Variants in C7 observed in about 807,000 individuals in gnomAD.
C7 encodes complement component C7.
In C7, 83 loss-of-function variants were observed where a neutral mutation model predicts 104.8. The observed-to-expected ratio is 0.79, with a 90% confidence interval of 0.66 to 0.95. The LOEUF is 0.95. Among genes scored for constraint, C7 ranks in the 40% least tolerant of loss-of-function variants. The pLI is 0.00. For missense variants in C7, 1,070 were observed against 1,011.2 expected (o/e 1.06, Z -0.79); for synonymous variants, 415 against 360.6 (o/e 1.15, Z -1.71).
chr5:40,960,890 T>C (rs1740406150), intron 12 of C7, among the ~76,000 whole-genome samples: 1 of 152,166 alleles, frequency 6.6e-6, no homozygotes, highest in Non-Finnish European at 1.5e-5. Context: ...ATCATTATCA[T>C]TATCTTTATT....
intron 14 of C7, among the ~76,000 whole-genome samples, chr5:40,965,920 G>A (rs1020154802): frequency 4.6e-5 from 7 of 151,842 alleles, no homozygotes; most frequent in Non-Finnish European, 8.8e-5. Flanking sequence ...TAGGATTATA[G>A]GTGCGAGCTA....
At chr5:40,956,141 C>T (rs1401926252) in intron 10 of C7, among the ~76,000 whole-genome samples, 1 of 152,168 alleles carries the variant, frequency 6.6e-6, no homozygotes. Context: ...TTTCATCTGT[C>T]ACACTCATAT....
chr5:40,917,736 C>T (rs1056333166), intron 1 of C7, among the ~76,000 whole-genome samples: 1 of 152,268 alleles, frequency 6.6e-6, no homozygotes, highest in South Asian at 2.1e-4. Context: ...AAAAGATAAG[C>T]AGAGTCACTT....
In C7 at chr5:40,952,214, C is replaced by T. The variant is rs1740185445; in HGVS notation, c.1093+2200C>T. On this transcript the variant is annotated intron_variant, in intron 9 of 17. Coordinates refer to ENST00000313164, the MANE Select transcript of C7 (RefSeq NM_000587.4). The stretch of plus-strand genomic sequence containing the variant: ...ACAAAAATAAACCAGTGTAGTCCTC[C>T]TACCTATGTGTTAAGTATTATTCAT... Among the ~76,000 whole-genome samples the T allele has an allele frequency of 2.0e-5, 3 of 152,202 alleles. No individual in the cohort carries two copies. The South Asian group carries it at 6.2e-4, about 31-fold the overall frequency.
At position 40,937,657 on chromosome 5, in the gene C7, G is replaced by C; in HGVS notation, c.534G>C (p.Arg178Ser). ...GTGGGGATGGAAAAGATTTCTACAG[G>C]CTGAGTGGAAATGTCCTGTCCTATA... ...VFSGDGKDFY[R>S]LSGNVLSYTF... is the part of the protein sequence containing the mutation. The change falls in exon 6 of 18, where the codon AGG (arginine) becomes AGC (serine). Residue 178 changes from arginine to serine, a missense_variant. Arg to Ser is a moderately radical substitution (Grantham distance 110, BLOSUM62 -1). Coordinates refer to ENST00000313164, the MANE Select transcript of C7 (RefSeq NM_000587.4). The C allele has an allele frequency of 6.2e-7, 1 of 1,602,818 alleles. No individual in the cohort carries two copies. Among genetic ancestry groups the C allele is most frequent in the Non-Finnish European group, 8.5e-7 (1 of 1,173,782 alleles).
intron 14 of C7, among the ~76,000 whole-genome samples, 157 bp downstream of exon 14, chr5:40,965,030 G>A (rs1336095936): frequency 1.3e-5 from 2 of 152,188 alleles, no homozygotes; most frequent in Non-Finnish European, 2.9e-5. Context: ...ACTTGAATAA[G>A]CCCTCCGCCT....
At chr5:40,966,514 G>T (rs1057385988) in intron 14 of C7, among the ~76,000 whole-genome samples, 3 of 151,916 alleles carry the variant, frequency 2.0e-5, no homozygotes, top group African/African-American at 7.3e-5. Flanking sequence ...GAGTAGCTGG[G>T]ACTACAGGTG....
rs1157698991 is a variant in C7 at position 40,984,123 on chromosome 5, C to T, written c.*2550C>T. 1.3e-5 allele frequency among the ~76,000 whole-genome samples: 2 copies of T among 152,212 alleles called. No homozygotes were observed. The highest frequency in any genetic ancestry group is 4.8e-5 in the African/African-American group (2 of 41,456). On this transcript the variant is annotated 3_prime_UTR_variant, in exon 18 of 18. Transcript: ENST00000313164. ...TCCTAATCGTTTTGAGAAGTGCCTT[C>T]CTGTGACATCTTATGTATTTCCTAA...
intron 4 of C7, among the ~76,000 whole-genome samples, chr5:40,935,992 GA>G (rs1409383615): frequency 1.3e-5 from 2 of 152,096 alleles, no homozygotes; most frequent in Middle Eastern, 6.3e-3. Flanking sequence ...TAGAATGACA[GA>G]AAAAAAGTGA....
At chr5:40,918,949 G>GACACACACACACACACACACAC (rs138558983) in intron 1 of C7, among the ~76,000 whole-genome samples, 2 of 138,316 alleles carry the variant, frequency 1.4e-5, no homozygotes, top group African/African-American at 2.8e-5. Context: ...GAATCTAACA[G>GACACACACACACACACACACAC]ACACACACAC....
Position 40,981,554 on chromosome 5 carries a change from G to C in C7, c.2513G>C (p.Cys838Ser), listed in dbSNP as rs774987776. The C allele has an allele frequency of 6.2e-7, 1 of 1,610,830 alleles. No individual in the cohort carries two copies. The highest frequency in any genetic ancestry group is 8.5e-7 in the Non-Finnish European group (1 of 1,177,502). Reference protein sequence around the residue: ...QSISVTSIRPCAAETQ With the variant: ...QSISVTSIRPSAAETQ The stretch of plus-strand genomic sequence containing the variant: ...ATCTCTGTCACCAGCATAAGGCCTT[G>C]TGCTGCGGAAACCCAGTAGGCTCCT... Residue 838 changes from cysteine to serine, a missense_variant, in exon 18 of 18, where the codon TGT (cysteine) becomes TCT (serine). Coordinates refer to ENST00000313164, the MANE Select transcript of C7 (RefSeq NM_000587.4).
chr5:40,962,528 C>CT (rs142747602), intron 13 of C7, among the ~76,000 whole-genome samples: 4 of 150,264 alleles, frequency 2.7e-5, no homozygotes, highest in Admixed American at 6.6e-5. Flanking sequence ...TTGCCACTGA[C>CT]TTTTTTTTTT....
intron 14 of C7, among the ~76,000 whole-genome samples, chr5:40,967,002 G>A (rs185544170): frequency 6.6e-6 from 1 of 151,860 alleles, no homozygotes; most frequent in Non-Finnish European, 1.5e-5. Flanking sequence ...TCTACTTGAA[G>A]GGCTTCTTTT....
At position 40,979,835 on chromosome 5, in the gene C7, G is replaced by A; in HGVS notation, c.2276G>A (p.Gly759Asp). 2 of 1,613,538 alleles carry A rather than the reference G, an allele frequency of 1.2e-6. No homozygotes were observed. Among genetic ancestry groups the A allele is most frequent in the Non-Finnish European group, 1.7e-6 (2 of 1,179,598 alleles). ...HCQGRNYTLT[G>D]RDSCTLPASA... ...CAGGGTAGAAATTACACCCTTACTGGTAGGGACAGCTGTACTCTGCCTGCC... is the reference window on the plus strand; with the variant it reads ...CAGGGTAGAAATTACACCCTTACTGATAGGGACAGCTGTACTCTGCCTGCC... Residue 759 changes from glycine (G) to aspartate (D), a missense_variant, in exon 17 of 18, where the codon GGT becomes GAT. Physicochemically the swap from Gly to Asp is moderately conservative, Grantham distance 94 (BLOSUM62 -1). Transcript: ENST00000313164.
intron 6 of C7, among the ~76,000 whole-genome samples, chr5:40,942,055 G>A (rs1370897708): frequency 6.6e-6 from 1 of 152,148 alleles, no homozygotes. Context: ...CAACAGTGCC[G>A]AATGATGTTG....
At chr5:40,951,743 G>A (rs999004098) in intron 9 of C7, among the ~76,000 whole-genome samples, 6 of 152,178 alleles carry the variant, frequency 3.9e-5, no homozygotes, top group African/African-American at 2.4e-5. Context: ...TCCTCTTGGG[G>A]TAATGGCAAA....
rs1739894928 is a variant in C7, at chr5:40,939,704, CA to C, written c.567+2015del. ...TTCATAATTATAATGTGGAGACTTGCATGTATATTTTTGAAAGGGTCAAATT... is the reference window on the plus strand; with the variant it reads ...TTCATAATTATAATGTGGAGACTTGCTGTATATTTTTGAAAGGGTCAAATT... On this transcript the variant is annotated intron_variant, in intron 6 of 17. Transcript: ENST00000313164. Among the ~76,000 whole-genome samples the C allele has an allele frequency of 2.6e-5, 4 of 152,102 alleles. No homozygotes were observed. The South Asian group carries it at 8.3e-4, about 32-fold the overall frequency.
At chr5:40,949,325 G>A (rs1399190535) in intron 8 of C7, among the ~76,000 whole-genome samples, 1 of 148,434 alleles carries the variant, frequency 6.7e-6, no homozygotes, top group Non-Finnish European at 1.5e-5. Flanking sequence ...GCACATTTTA[G>A]TATTTTTCTA....
intron 3 of C7, 105 bp downstream of exon 3, chr5:40,931,244 T>A (rs1169290522): frequency 1.3e-6 from 1 of 793,200 alleles, no homozygotes; most frequent in African/African-American, 1.7e-5. Context: ...TGTCAATATT[T>A]TTTGAAAACT....
Sources: allele counts gnomAD v4.1 joint callset (sites outside exome capture counted in the v4.1 genomes callset), GRCh38; gene constraint gnomAD v4.1.1; transcripts MANE v1.5; gene names NCBI Gene and HGNC (gene_info 2026-07-23, HGNC 2026-07-21).